E2F2: variants seen among roughly 807,000 people sequenced by gnomAD.
The protein encoded by E2F2 is transcription factor E2F2.
In E2F2, 22 loss-of-function variants were observed where a neutral mutation model predicts 42.2. The ratio of observed to expected loss-of-function variants is 0.52; its 90% confidence interval spans 0.37 to 0.74. E2F2 has a LOEUF of 0.74. E2F2 is among the 30% of genes least tolerant of loss of function. E2F2 has a pLI of 0.00. For synonymous variants in E2F2, 248 were observed against 251.6 expected, an observed-to-expected ratio of 0.99 and a Z score of 0.13; for missense variants, 481 against 557.8, an observed-to-expected ratio of 0.86 and a Z score of 1.39.
At chr1:23,514,751 T>G (rs1642983980) in intron 6 of E2F2, among the ~76,000 whole-genome samples, 1 of 148,852 alleles carries the variant, frequency 6.7e-6, no homozygotes, top group African/African-American at 2.5e-5. Context: ...GCAGGAGAAT[T>G]GATTGAACCC....
intron 3 of E2F2, 107 bp from the exon 4 acceptor site, chr1:23,521,178 G>T: frequency 8.0e-7 from 1 of 1,255,080 alleles, no homozygotes; most frequent in Non-Finnish European, 1.1e-6. Flanking sequence ...GGAAATCAGT[G>T]GTCATGCCTG....
At chr1:23,524,104 C>CAACAAA (rs1245087730) in intron 2 of E2F2, among the ~76,000 whole-genome samples, 96 of 133,202 alleles carry the variant, frequency 7.2e-4, no homozygotes, top group African/African-American at 2.3e-3. Flanking sequence ...ACAACAACAA[C>CAACAAA]AAAAAAAAAC....
intron 1 of E2F2, among the ~76,000 whole-genome samples, chr1:23,525,108 A>G (rs574926809): frequency 6.6e-6 from 1 of 152,252 alleles, no homozygotes; most frequent in Non-Finnish European, 1.5e-5. Flanking sequence ...TCCTGAATAG[A>G]CTGCATTTGC....
chr1:23,510,267 G>A lies in E2F2; in HGVS notation c.1046-119C>T, dbSNP rs1473783426. 4 of 1,413,202 alleles carry A rather than the reference G, an allele frequency of 2.8e-6. No homozygotes were observed. In the African/African-American group the frequency reaches 4.4e-5, roughly 15 times the overall value. The allele number at this position is 1,413,202 out of a possible 1,614,324, so 87.5% of individuals were successfully genotyped here. A position where few individuals can be genotyped will look rare whatever the true frequency, so the allele number is the denominator to read the frequency against. On this transcript the variant is annotated intron_variant, in intron 6 of 6. Coordinates refer to ENST00000361729, the MANE Select transcript of E2F2 (RefSeq NM_004091.4). ...TTCTTCTCTCTCCTTAGCCTGGGTG[G>A]ACTGTCGTGCTCTCAAAATCCACCT...
rs3218126 is a variant in E2F2 at position 23,530,047 on chromosome 1, C to A, written c.252+495G>T. On this transcript the variant is annotated intron_variant, in intron 1 of 6. Coordinates refer to ENST00000361729, the MANE Select transcript of E2F2 (RefSeq NM_004091.4). This position sits in a 1 kb window ranked among gnomAD's most constrained non-coding sequence, Gnocchi z 4.4. The stretch of plus-strand genomic sequence containing the variant: ...ACCTAGGGCAGATACTTGGGGCTAT[C>A]TCAGGAGCTGGCTGGACAATTTGGA... Among the ~76,000 whole-genome samples the A allele has an allele frequency of 0.064, 9,759 of 152,214 alleles. 353 individuals are homozygous for A. Among genetic ancestry groups the A allele is most frequent in the South Asian group, 0.12 (579 of 4,826 alleles).
chr1:23,521,490 G>A (rs1005730296), intron 3 of E2F2: 56 of 961,878 alleles, frequency 5.8e-5, no homozygotes, highest in Non-Finnish European at 6.8e-5. Context: ...AGCTCCCAGG[G>A]GACTGCCCTA....
intron 6 of E2F2, among the ~76,000 whole-genome samples, chr1:23,511,387 A>C (rs1372336187): frequency 6.6e-6 from 1 of 151,996 alleles, no homozygotes; most frequent in Non-Finnish European, 1.5e-5. Context: ...GGTGCGTGCC[A>C]CCATGCCCAT....
At chr1:23,510,567 G>A (rs1047984496) in intron 6 of E2F2, among the ~76,000 whole-genome samples, 2 of 151,968 alleles carry the variant, frequency 1.3e-5, no homozygotes, top group African/African-American at 4.8e-5. Flanking sequence ...TCAAGTGATC[G>A]GCCTTCCAAA....
chr1:23,518,020 A>C (rs1461552061), intron 5 of E2F2, among the ~76,000 whole-genome samples: 2 of 151,880 alleles, frequency 1.3e-5, no homozygotes, highest in Non-Finnish European at 2.9e-5. Flanking sequence ...AAAAACAAAA[A>C]ATGTGCTAGG....
chr1:23,524,098 C>CAAA (rs1243545997), intron 2 of E2F2, among the ~76,000 whole-genome samples: 5 of 128,664 alleles, frequency 3.9e-5, no homozygotes, highest in African/African-American at 9.7e-5. Flanking sequence ...ACAACAACAA[C>CAAA]AACAACAAAA....
In E2F2 at chr1:23,526,775, A is replaced by C. The variant is rs2742974; in HGVS notation, c.253-2287T>G. On this transcript the variant is annotated intron_variant, in intron 1 of 6. Transcript: ENST00000361729. ...AGGCTGCCTCAGCTGCATCCCACAC[A>C]CGCTGCCCCAGGATTTGCTAGAATT... Among the ~76,000 whole-genome samples the C allele has an allele frequency of 4.2e-3, 636 of 152,048 alleles. 7 individuals carry two copies. The highest frequency in any genetic ancestry group is 0.014 in the African/African-American group (592 of 41,456).
Position 23,507,479 on chromosome 1 carries a change from G to T in E2F2, c.*2401C>A, listed in dbSNP as rs1300262861. On this transcript the variant is annotated 3_prime_UTR_variant, in exon 7 of 7. Transcript: ENST00000361729. ...TGCAGTGAGCCGAGATCAGGCCACT[G>T]CACTCCAGCCTGGGCAACAGAGCGA... The T allele has an allele frequency of 6.7e-6, 1 of 148,708 alleles. No individual in the cohort carries two copies. The highest frequency in any genetic ancestry group is 1.5e-5 in the Non-Finnish European group (1 of 67,942). The allele number at this position is 148,708 out of a possible 1,614,324, so 9.2% of individuals were successfully genotyped here. A position where few individuals can be genotyped will look rare whatever the true frequency, so the allele number is the denominator to read the frequency against.
Position 23,516,457 on chromosome 1 carries a change from T to C in E2F2, c.923A>G (p.Gln308Arg), listed in dbSNP as rs1196032616. ...IEVYLCPEEV[Q>R]EPDSPSEEPL... ...CTCCTCGGAAGGACTGTCCGGCTCC[T>C]GCACCTCCTCTGGGCACAGGTAGAC... The change falls in exon 6 of 7, where the codon CAG becomes CGG. Residue 308 changes from glutamine (Q) to arginine (R), a missense_variant. Physicochemically the swap from Gln to Arg is conservative, Grantham distance 43. Coordinates refer to ENST00000361729, the MANE Select transcript of E2F2 (RefSeq NM_004091.4). 13 of 1,610,148 alleles carry C rather than the reference T, an allele frequency of 8.1e-6. No homozygotes were observed. The highest frequency in any genetic ancestry group is 9.3e-6 in the Non-Finnish European group (11 of 1,178,266).
In E2F2 at chr1:23,509,054, T is replaced by G; in HGVS notation, c.*826A>C. The G allele has an allele frequency of 6.6e-6, 1 of 152,052 alleles. No homozygotes were observed. The highest frequency in any genetic ancestry group is 1.9e-4 in the East Asian group (1 of 5,178). The allele number at this position is 152,052 out of a possible 1,614,324, so 9.4% of individuals were successfully genotyped here. A position where few individuals can be genotyped will look rare whatever the true frequency, so the allele number is the denominator to read the frequency against. ...TTGTCTCTGCTGGACCATTTTTACA[T>G]CTCAAGGGGAGAGGTAAGGACTTCC... On this transcript the variant is annotated 3_prime_UTR_variant, in exon 7 of 7. Transcript: ENST00000361729.
chr1:23,513,648 G>T (rs1642959174), intron 6 of E2F2, among the ~76,000 whole-genome samples: 1 of 151,142 alleles, frequency 6.6e-6, no homozygotes, highest in African/African-American at 2.4e-5. Flanking sequence ...GGAGGCGGAG[G>T]TTGCAGTGAG....
At position 23,509,970 on chromosome 1, in the gene E2F2, G is replaced by C. The variant is rs1421553260; in HGVS notation, c.1224C>G (p.Asp408Glu). The C allele has an allele frequency of 1.2e-6, 2 of 1,613,058 alleles. No individual in the cohort carries two copies. The highest frequency in any genetic ancestry group is 1.7e-6 in the Non-Finnish European group (2 of 1,179,584). The change falls in exon 7 of 7, where the codon GAC becomes GAG. Residue 408 changes from aspartate to glutamate, a missense_variant. Coordinates refer to ENST00000361729, the MANE Select transcript of E2F2 (RefSeq NM_004091.4). Reference protein sequence around the residue: ...SPLISFSPSLDQDDYLWGLEA... With the variant: ...SPLISFSPSLEQDDYLWGLEA... The stretch of plus-strand genomic sequence containing the variant: ...CCAAGCCCCACAGGTAGTCGTCCTG[G>C]TCCAAGGATGGGGAGAAGCTGATCA...
chr1:23,517,764 C>A (rs187748272), intron 5 of E2F2, among the ~76,000 whole-genome samples: 1 of 152,276 alleles, frequency 6.6e-6, no homozygotes, highest in East Asian at 1.9e-4. Flanking sequence ...TGGAGGTAAT[C>A]AGAGAAGGCT....
Position 23,516,410 on chromosome 1 carries a change from G to T in E2F2, c.970C>A (p.Leu324Ile). 1 of 1,599,936 alleles carries T rather than the reference G, an allele frequency of 6.3e-7. No homozygotes were observed. Among genetic ancestry groups the T allele is most frequent in the Admixed American group, 1.7e-5 (1 of 57,998 alleles). Reference sequence around the variant, plus strand: ...TGGGCAGAGTCAGGGCTGGGGCAGAGGGTGGAGGTAGAGGGGAGAGGCTCC... The same window carrying T: ...TGGGCAGAGTCAGGGCTGGGGCAGATGGTGGAGGTAGAGGGGAGAGGCTCC... ...SEEPLPSTST[L>I]CPSPDSAQPS... Residue 324 changes from leucine (L) to isoleucine (I), a missense_variant, in exon 6 of 7, where the codon CTC becomes ATC. Transcript: ENST00000361729.
At chr1:23,512,226 CAAAT>C (rs781229789) in intron 6 of E2F2, among the ~76,000 whole-genome samples, 4 of 151,884 alleles carry the variant, frequency 2.6e-5, no homozygotes, top group Admixed American at 6.6e-5. Context: ...AATAAACAAA[CAAAT>C]AAATAAATAA....
Sources: gnomAD v4.1 joint callset for allele counts (sites outside exome capture counted in the v4.1 genomes callset) on GRCh38, gnomAD v4.1.1 for gene constraint, Gnocchi (gnomAD v3.1) non-coding constraint, MANE v1.5 for transcripts, NCBI Gene and HGNC (gene_info 2026-07-23, HGNC 2026-07-21) for gene names.